The following EIF2B3 variants were observed in gnomAD, a reference collection of about 807,000 sequenced individuals.
EIF2B3 encodes the protein eukaryotic translation initiation factor 2B subunit gamma.
Under a neutral mutation model 54.1 loss-of-function variants are expected in EIF2B3, and 20 were observed. The ratio of observed to expected loss-of-function variants is 0.37; its 90% confidence interval spans 0.26 to 0.54. The LOEUF (loss-of-function observed/expected upper bound fraction) is 0.54, where lower values mean the gene tolerates loss of function less well. Among genes scored for constraint, EIF2B3 ranks in the 20% least tolerant of loss-of-function variants. EIF2B3 has a pLI of 0.86. For missense variants in EIF2B3, 448 were observed against 547.8 expected, an observed-to-expected ratio of 0.82 and a Z score of 1.82; for synonymous variants, 153 against 188.1, an observed-to-expected ratio of 0.81 and a Z score of 1.52.
chr1:44,863,634 CA>C (rs1227113631), intron 10 of EIF2B3, among the ~76,000 whole-genome samples: 1 of 152,154 alleles, frequency 6.6e-6, no homozygotes, highest in Non-Finnish European at 1.5e-5. Context: ...GAGAAACAAA[CA>C]ATCCAACTTG....
At chr1:44,904,410 T>A (rs1446706197) in intron 5 of EIF2B3, among the ~76,000 whole-genome samples, 1 of 152,218 alleles carries the variant, frequency 6.6e-6, no homozygotes, top group Non-Finnish European at 1.5e-5. Context: ...CAGATGAGGA[T>A]AAAAGCCTCC....
At chr1:44,852,252 C>T (rs2148890517) in intron 11 of EIF2B3, among the ~76,000 whole-genome samples, 1 of 151,996 alleles carries the variant, frequency 6.6e-6, no homozygotes, top group Non-Finnish European at 1.5e-5. Context: ...GCGTGAGCCA[C>T]CGCACTTGGC....
intron 4 of EIF2B3, among the ~76,000 whole-genome samples, chr1:44,939,558 G>C (rs1643997724): frequency 6.6e-6 from 1 of 152,050 alleles, no homozygotes; most frequent in Admixed American, 6.6e-5. Context: ...TTGAGGGATG[G>C]ATATGTTAAC....
intron 6 of EIF2B3, among the ~76,000 whole-genome samples, chr1:44,890,795 T>C (rs1012013071): frequency 1.6e-4 from 25 of 152,310 alleles, no homozygotes; most frequent in African/African-American, 5.5e-4. Context: ...CCTTCTTCTT[T>C]GGTTTCTCAG....
intron 3 of EIF2B3, among the ~76,000 whole-genome samples, chr1:44,967,654 C>T (rs1299427307): frequency 2.0e-5 from 3 of 150,306 alleles, no homozygotes; most frequent in East Asian, 3.9e-4. Context: ...GCAGGAGAAT[C>T]GCTTGAACCC....
intron 10 of EIF2B3, among the ~76,000 whole-genome samples, chr1:44,873,044 G>A (rs956244069): frequency 5.9e-5 from 9 of 152,142 alleles, no homozygotes; most frequent in African/African-American, 2.2e-4. Context: ...GATATCATTG[G>A]CTATAGTGGA....
At chr1:44,891,013 G>T (rs974175168) in intron 6 of EIF2B3, among the ~76,000 whole-genome samples, 2 of 152,018 alleles carry the variant, frequency 1.3e-5, no homozygotes, top group Admixed American at 6.6e-5. Context: ...TCCTGTACCT[G>T]CTTTTAATTG....
In EIF2B3 at chr1:44,876,425, T is replaced by C. The variant is rs1223455118; in HGVS notation, c.976-730A>G. Among the ~76,000 whole-genome samples the C allele has an allele frequency of 6.3e-3, 885 of 140,824 alleles. 12 individuals are homozygous for C. Among genetic ancestry groups the C allele is most frequent in the African/African-American group, 0.022 (837 of 37,256 alleles). The allele number at this position is 140,824 out of a possible 152,430, so 92.4% of individuals were successfully genotyped here. A position where few individuals can be genotyped will look rare whatever the true frequency, so the allele number is the denominator to read the frequency against. On this transcript the variant is annotated intron_variant, in intron 8 of 11. Coordinates refer to ENST00000360403, the MANE Select transcript of EIF2B3 (RefSeq NM_020365.5). Reference sequence around the variant, plus strand: ...CTGTCTGGGAGGTGAGGAGCGTCTCTGCCCGGCCGCCCCGTCTGAGAAGTG... The same window carrying C: ...CTGTCTGGGAGGTGAGGAGCGTCTCCGCCCGGCCGCCCCGTCTGAGAAGTG...
At chr1:44,904,415 G>A (rs1643375220) in intron 5 of EIF2B3, among the ~76,000 whole-genome samples, 1 of 152,218 alleles carries the variant, frequency 6.6e-6, no homozygotes, top group Non-Finnish European at 1.5e-5. Context: ...GAGGATAAAA[G>A]CCTCCTACAG....
At chr1:44,978,185 C>G in intron 3 of EIF2B3, 130 bp downstream of exon 3, 1 of 1,021,622 alleles carries the variant, frequency 9.8e-7, no homozygotes, top group Non-Finnish European at 1.5e-6. Flanking sequence ...GAATTGAGAT[C>G]ACACTACTGC....
At chr1:44,938,420 G>A (rs957720196) in intron 4 of EIF2B3, among the ~76,000 whole-genome samples, 25 of 152,224 alleles carry the variant, frequency 1.6e-4, no homozygotes, top group African/African-American at 6.0e-4. Context: ...GCTGAGGTGG[G>A]AGAATTGCTT....
intron 3 of EIF2B3, among the ~76,000 whole-genome samples, chr1:44,945,166 G>C (rs1196311102): frequency 1.3e-5 from 2 of 151,832 alleles, no homozygotes; most frequent in Admixed American, 6.6e-5. Flanking sequence ...TCTTTTGAAG[G>C]CCTTTTAAAG....
At chr1:44,875,252 T>TA (rs2148901502) in intron 9 of EIF2B3, among the ~76,000 whole-genome samples, 1 of 152,202 alleles carries the variant, frequency 6.6e-6, no homozygotes, top group East Asian at 1.9e-4. Flanking sequence ...CAGGAATCTG[T>TA]AGGACCCATA....
intron 3 of EIF2B3, among the ~76,000 whole-genome samples, chr1:44,966,971 A>G (rs964211536): frequency 4.6e-5 from 7 of 151,814 alleles, no homozygotes; most frequent in African/African-American, 1.7e-4. Flanking sequence ...ACACGCCACT[A>G]TGGCCAGCTA....
At chr1:44,910,553 T>C (rs561624280) in intron 5 of EIF2B3, among the ~76,000 whole-genome samples, 32 of 151,194 alleles carry the variant, frequency 2.1e-4, no homozygotes, top group Middle Eastern at 3.4e-3. Context: ...GGAGGCTGCC[T>C]CTGCACCTGA....
At chr1:44,962,813 A>C (rs149613653) in intron 3 of EIF2B3, among the ~76,000 whole-genome samples, 121 of 152,332 alleles carry the variant, frequency 7.9e-4, no homozygotes, top group African/African-American at 2.8e-3. Flanking sequence ...TTCATTCAAC[A>C]AATAATATTG....
chr1:44,941,222 G>A (rs1203351533), intron 4 of EIF2B3, among the ~76,000 whole-genome samples: 3 of 152,086 alleles, frequency 2.0e-5, no homozygotes, highest in Non-Finnish European at 2.9e-5. Context: ...ATTTTTGTTT[G>A]TTTGTTTCTT....
chr1:44,929,556 G>A (rs1014530227), intron 4 of EIF2B3, among the ~76,000 whole-genome samples: 14 of 152,162 alleles, frequency 9.2e-5, no homozygotes, highest in African/African-American at 3.1e-4. Flanking sequence ...AAATTTTGCA[G>A]AGAATTTCAA....
chr1:44,933,715 C>G (rs1643917723), intron 4 of EIF2B3, among the ~76,000 whole-genome samples: 1 of 152,126 alleles, frequency 6.6e-6, no homozygotes, highest in East Asian at 1.9e-4. Context: ...CTGGCTCTTA[C>G]CACTTACCAC....
Sources: gnomAD v4.1 joint callset for allele counts (sites outside exome capture counted in the v4.1 genomes callset) on GRCh38, gnomAD v4.1.1 for gene constraint, MANE v1.5 for transcripts, NCBI Gene and HGNC (gene_info 2026-07-23, HGNC 2026-07-21) for gene names.